NMU: variants seen among roughly 807,000 people sequenced by gnomAD.
NMU encodes neuromedin U, also known as neuromedin-U.
NMU carries 29 observed loss-of-function variants against 35.4 expected under a neutral mutation model. The ratio of observed to expected loss-of-function variants is 0.82; its 90% CI spans 0.61 to 1.12. The LOEUF (loss-of-function observed/expected upper bound fraction) is 1.12, where lower values mean the gene tolerates loss of function less well. Ranked by LOEUF, NMU falls within the 50% of genes most tolerant of loss-of-function variation. The probability of loss-of-function intolerance (pLI) is 0.00; values close to 1 mark genes in which losing one functional copy is unlikely to be tolerated. For synonymous variants in NMU, 78 were observed against 81.3 expected (o/e 0.96, Z 0.22); for missense variants, 199 against 206.2 (o/e 0.97, Z 0.21).
chr4:55,615,930 G>T (rs1356408862), intron 3 of NMU, among the ~76,000 whole-genome samples: 2 of 152,018 alleles, frequency 1.3e-5, no homozygotes, highest in Non-Finnish European at 2.9e-5. Context: ...TTATTATTTG[G>T]TGGAGACGGG....
intron 1 of NMU, among the ~76,000 whole-genome samples, chr4:55,634,310 A>C (rs1715790114): frequency 1.3e-5 from 2 of 152,206 alleles, no homozygotes; most frequent in Non-Finnish European, 2.9e-5. Flanking sequence ...TTTAGTATTC[A>C]GAGCAGGTCT....
intron 7 of NMU, among the ~76,000 whole-genome samples, chr4:55,604,943 A>G (rs938973536): frequency 6.6e-6 from 1 of 151,868 alleles, no homozygotes; most frequent in Non-Finnish European, 1.5e-5. Context: ...TCTTATTCCT[A>G]CCTAAGGACT....
intron 7 of NMU, among the ~76,000 whole-genome samples, chr4:55,605,009 T>A (rs1281360831): frequency 1.3e-5 from 2 of 152,154 alleles, no homozygotes; most frequent in African/African-American, 2.4e-5. Flanking sequence ...CCAAAAGTCA[T>A]GGCTTTTGGA....
rs1028565562 is a variant in NMU at position 55,627,201 on chromosome 4, G to C, written c.171+3201C>G. ...TGACTGCTATTCTCTCCAAGCTCTAGTCTCTGTTCCATTGGTTCATTCTGT... is the reference window on the plus strand; with the variant it reads ...TGACTGCTATTCTCTCCAAGCTCTACTCTCTGTTCCATTGGTTCATTCTGT... On this transcript the variant is annotated intron_variant, in intron 2 of 9. Transcript: ENST00000264218. 2.6e-5 allele frequency among the ~76,000 whole-genome samples: 4 copies of C among 152,098 alleles called. No individual in the cohort carries two copies. In the South Asian group the frequency reaches 8.3e-4, roughly 32 times the overall value.
Position 55,636,284 on chromosome 4 carries a change from C to A in NMU, c.-92G>T. ...CTGGTGCCCTGGCTGTGCCTCGGGG[C>A]CCGGACACAGGACTGAGCGCCCGGC... On this transcript the variant is annotated 5_prime_UTR_variant, in exon 1 of 10. Coordinates refer to ENST00000264218, the MANE Select transcript of NMU (RefSeq NM_006681.4). This position sits in a 1 kb window ranked among gnomAD's most constrained non-coding sequence, Gnocchi z 4.0. 7.2e-7 allele frequency: 1 copy of A among 1,396,782 alleles called. No homozygotes were observed. The highest frequency in any genetic ancestry group is 9.2e-7 in the Non-Finnish European group (1 of 1,084,234). The allele number at this position is 1,396,782 out of a possible 1,614,324, so 86.5% of individuals were successfully genotyped here.
chr4:55,636,047 G>A lies in NMU; in HGVS notation c.112+34C>T. On this transcript the variant is annotated intron_variant, in intron 1 of 9. Transcript: ENST00000264218. The surrounding 1 kb of genome is among the most constrained non-coding windows in gnomAD (Gnocchi z 4.0). ...AGTGGAGCCAGAGAGAGGCGCGCAT[G>A]GCGTGGAAGCGGCCGGGTGCGGGGC... The A allele has an allele frequency of 1.3e-6, 2 of 1,532,556 alleles. No individual in the cohort carries two copies. Among genetic ancestry groups the A allele is most frequent in the Non-Finnish European group, 1.7e-6 (2 of 1,146,014 alleles). 94.9% of individuals were successfully genotyped at this position (1,532,556 alleles called of 1,614,324 possible). A position where few individuals can be genotyped will look rare whatever the true frequency, so the allele number is the denominator to read the frequency against.
Position 55,601,352 on chromosome 4 carries a change from T to A in NMU, c.436-777A>T, listed in dbSNP as rs79376305. 5.0e-3 allele frequency among the ~76,000 whole-genome samples: 766 copies of A among 152,226 alleles called. 8 individuals carry two copies. Among genetic ancestry groups the A allele is most frequent in the African/African-American group, 0.018 (744 of 41,564 alleles). On this transcript the variant is annotated intron_variant, in intron 7 of 9. Coordinates refer to ENST00000264218, the MANE Select transcript of NMU (RefSeq NM_006681.4). ...ACCATGAAATCTTTCAGCCAAGACCTTTTTCAACTATTTTATAATATGAAT... is the reference window on the plus strand; with the variant it reads ...ACCATGAAATCTTTCAGCCAAGACCATTTTCAACTATTTTATAATATGAAT...
chr4:55,603,644 G>T (rs1733517263), intron 7 of NMU, among the ~76,000 whole-genome samples: 1 of 151,758 alleles, frequency 6.6e-6, no homozygotes, highest in South Asian at 2.1e-4. Flanking sequence ...CGGGCGCAGT[G>T]GCTCACGCCT....
chr4:55,604,200 G>C (rs941052461), intron 7 of NMU, among the ~76,000 whole-genome samples: 7 of 150,190 alleles, frequency 4.7e-5, no homozygotes, highest in African/African-American at 1.7e-4. Flanking sequence ...CGAGTAGCTG[G>C]GATCACAGGC....
intron 8 of NMU, 135 bp from the exon 9 acceptor site, chr4:55,599,316 G>T (rs532900464): frequency 4.3e-6 from 3 of 691,750 alleles, no homozygotes; most frequent in African/African-American, 1.8e-5. Flanking sequence ...AACATAGACT[G>T]CTGGACCCCA....
chr4:55,613,337 A>T (rs569514058), intron 3 of NMU, among the ~76,000 whole-genome samples: 1 of 152,278 alleles, frequency 6.6e-6, no homozygotes, highest in Non-Finnish European at 1.5e-5. Flanking sequence ...TGTAGGCTCT[A>T]TCAAGGGATT....
chr4:55,615,765 C>T (rs1202589187), intron 3 of NMU, among the ~76,000 whole-genome samples: 1 of 152,100 alleles, frequency 6.6e-6, no homozygotes, highest in Non-Finnish European at 1.5e-5. Context: ...CCAATAGTTA[C>T]TGATCCTCTC....
chr4:55,604,679 A>ATATTTTTTTTTTTTTTT (rs1553909885), intron 7 of NMU, among the ~76,000 whole-genome samples: 6 of 47,616 alleles, frequency 1.3e-4, no homozygotes, highest in African/African-American at 7.0e-4. Context: ...TGCCTGGCTA[A>ATATTTTTTTTTTTTTTT]TTTTTTTTTT....
intron 6 of NMU, among the ~76,000 whole-genome samples, chr4:55,606,305 ATTGAAACACCAAGTAGGTTGGTTAACATT>A (rs1733680711): frequency 6.6e-6 from 1 of 152,234 alleles, no homozygotes; most frequent in Admixed American, 6.5e-5. Context: ...AGTATCCTAG[ATTGAAACACCAAGTAGGTTGGTTAACATT>A]TTTAAAACCC....
At chr4:55,605,382 GC>G in intron 6 of NMU, 33 bp from the exon 7 acceptor site, 1 of 1,507,118 alleles carries the variant, frequency 6.6e-7, no homozygotes, top group Non-Finnish European at 9.2e-7. Flanking sequence ...GTGAATAAGT[GC>G]ATGGCTTCTC....
At chr4:55,631,460 A>G (rs1734752201) in intron 1 of NMU, among the ~76,000 whole-genome samples, 1 of 152,192 alleles carries the variant, frequency 6.6e-6, no homozygotes, top group South Asian at 2.1e-4. Flanking sequence ...TCTATGAGGA[A>G]CTCAAATCAG....
intron 3 of NMU, 29 bp downstream of exon 3, chr4:55,616,309 T>C (rs746932693): frequency 2.6e-6 from 4 of 1,565,656 alleles, no homozygotes; most frequent in Non-Finnish European, 2.6e-6. Context: ...ACACCTACAT[T>C]ATTACAAAAT....
At position 55,605,332 on chromosome 4, in the gene NMU, C is replaced by T. The variant is rs762789252; in HGVS notation, c.378G>A (p.Pro126=). The T allele has an allele frequency of 4.0e-5, 65 of 1,613,358 alleles. 1 individual carries two copies. The Admixed American group carries it at 9.3e-4, about 23-fold the overall frequency. ...KSNVVSSVVH[P]LLQLVPHLHE... is the part of the protein sequence containing the mutation. The stretch of plus-strand genomic sequence containing the variant: ...GCAGGTGAGGAACGAGCTGCAGCAA[C>T]GGATGCACAACTGACGACTGAGAGG... The change falls in exon 7 of 10, where the codon CCG becomes CCA. Residue 126 remains proline (P), a synonymous_variant. Transcript: ENST00000264218.
chr4:55,601,067 C>T (rs1414134555), intron 7 of NMU, among the ~76,000 whole-genome samples: 2 of 152,070 alleles, frequency 1.3e-5, no homozygotes, highest in African/African-American at 2.4e-5. Context: ...TGGTAAATTA[C>T]ATTTATTCAA....
Sources: allele counts gnomAD v4.1 joint callset (sites outside exome capture counted in the v4.1 genomes callset), GRCh38; gene constraint gnomAD v4.1.1; non-coding constraint Gnocchi (gnomAD v3.1); transcripts MANE v1.5; gene names NCBI Gene and HGNC (gene_info 2026-07-23, HGNC 2026-07-21).